Variants in ITPR2 observed in about 807,000 individuals in gnomAD.
The protein encoded by ITPR2 is inositol 1,4,5-trisphosphate receptor type 2.
ITPR2 carries 207 observed loss-of-function variants against 317.1 expected under a neutral mutation model. The ratio of observed to expected loss-of-function variants is 0.65; its 90% CI spans 0.58 to 0.73. The LOEUF (loss-of-function observed/expected upper bound fraction) is 0.73, where lower values mean the gene tolerates loss of function less well. Ranked by LOEUF, ITPR2 falls within the 30% of genes least tolerant of loss-of-function variation. ITPR2 has a pLI of 0.00. For synonymous variants in ITPR2, 1,156 were observed against 1,149.1 expected, an observed-to-expected ratio of 1.01 and a Z score of -0.12; for missense variants, 2,613 against 3,284.0, an observed-to-expected ratio of 0.80 and a Z score of 4.99.
chr12:26,662,790 A>G (rs763672798), intron 15 of ITPR2, among the ~76,000 whole-genome samples: 4 of 152,034 alleles, frequency 2.6e-5, no homozygotes, highest in Non-Finnish European at 4.4e-5. Context: ...CTCCAGCCTT[A>G]GCCTCCTTAG....
chr12:26,523,561 T>C (rs1329432429), intron 37 of ITPR2, among the ~76,000 whole-genome samples: 1 of 151,994 alleles, frequency 6.6e-6, no homozygotes, highest in Non-Finnish European at 1.5e-5. Flanking sequence ...TAACTGTCTG[T>C]AAGAAAACAT....
intron 8 of ITPR2, among the ~76,000 whole-genome samples, chr12:26,713,388 T>C (rs1219097073): frequency 1.3e-5 from 2 of 152,088 alleles, no homozygotes. Flanking sequence ...CAAATAGAAA[T>C]AAGCCTACCA....
chr12:26,635,777 T>C (rs1362252249), intron 21 of ITPR2, among the ~76,000 whole-genome samples: 1 of 152,244 alleles, frequency 6.6e-6, no homozygotes, highest in Non-Finnish European at 1.5e-5. Context: ...AAAATATCTT[T>C]ACTTTCTAGA....
At chr12:26,577,765 G>A (rs1247073505) in intron 34 of ITPR2, among the ~76,000 whole-genome samples, 2 of 151,952 alleles carry the variant, frequency 1.3e-5, no homozygotes, top group Admixed American at 1.3e-4. Context: ...TTGCAAACAG[G>A]GAGAAATGAC....
At position 26,338,840 on chromosome 12, in the gene ITPR2, T is replaced by C. The variant is rs1565477726; in HGVS notation, c.*557A>G. Reference sequence around the variant, plus strand: ...AGAGCTGTAAATCCATTGTGCTTCATGTTATAAATAAAGAAATTGCCCTGT... The same window carrying C: ...AGAGCTGTAAATCCATTGTGCTTCACGTTATAAATAAAGAAATTGCCCTGT... On this transcript the variant is annotated 3_prime_UTR_variant, in exon 57 of 57. Transcript: ENST00000381340. 1 of 152,464 alleles carries C rather than the reference T, an allele frequency of 6.6e-6. No homozygotes were observed. The highest frequency in any genetic ancestry group is 1.5e-5 in the Non-Finnish European group (1 of 68,244). 9.4% of individuals were successfully genotyped at this position (152,464 alleles called of 1,614,324 possible).
At chr12:26,784,010 T>A (rs1361387824) in intron 2 of ITPR2, among the ~76,000 whole-genome samples, 1 of 99,654 alleles carries the variant, frequency 1.0e-5, no homozygotes, top group African/African-American at 2.8e-5. Context: ...GCTGGTGAAA[T>A]ATGACTGAAG....
chr12:26,800,466 C>A (rs929936345), intron 1 of ITPR2, among the ~76,000 whole-genome samples: 1 of 152,076 alleles, frequency 6.6e-6, no homozygotes, highest in African/African-American at 2.4e-5. Context: ...AAGAACACAT[C>A]AAAAATGGTC....
At chr12:26,617,169 A>C (rs1273762023) in intron 26 of ITPR2, among the ~76,000 whole-genome samples, 1 of 152,200 alleles carries the variant, frequency 6.6e-6, no homozygotes, top group Non-Finnish European at 1.5e-5. Context: ...TAAACTGTAC[A>C]TAAAACTCTG....
At chr12:26,440,280 G>GT (rs1941454601) in intron 46 of ITPR2, among the ~76,000 whole-genome samples, 1 of 152,168 alleles carries the variant, frequency 6.6e-6, no homozygotes, top group African/African-American at 2.4e-5. Flanking sequence ...TGTTGTTGTT[G>GT]TTTTGGTTTG....
intron 45 of ITPR2, among the ~76,000 whole-genome samples, chr12:26,462,863 G>A (rs186376253): frequency 6.8e-6 from 1 of 146,640 alleles, no homozygotes; most frequent in East Asian, 2.1e-4. Context: ...GTAGAGATGG[G>A]GTTTCACCAT....
chr12:26,707,520 C>A (rs898873952), intron 9 of ITPR2, among the ~76,000 whole-genome samples: 8 of 152,094 alleles, frequency 5.3e-5, no homozygotes, highest in Non-Finnish European at 1.0e-4. Flanking sequence ...AAATAAAAAA[C>A]CTGGGCTATT....
Position 26,399,033 on chromosome 12 carries a change from C to G in ITPR2, c.7539G>C (p.Leu2513Phe). Residue 2513 changes from leucine (L) to phenylalanine (F), a missense_variant, in exon 54 of 57, where the codon TTG becomes TTC. This residue lies in a region of ITPR2 where 113 missense variants were observed against 129.2 expected (regional missense o/e 0.87). Coordinates refer to ENST00000381340, the MANE Select transcript of ITPR2 (RefSeq NM_002223.4). ...GGTCATAAACCACTCGGGCAGCAAA[C>G]AAGGGCTCCTGAAATAAAAATATTT... is the stretch of plus-strand genomic sequence containing the variant. ...VLRRPSKDEP[L>F]FAARVVYDLL... 1 of 1,578,630 alleles carries G rather than the reference C, an allele frequency of 6.3e-7. No individual in the cohort carries two copies. Among genetic ancestry groups the G allele is most frequent in the Non-Finnish European group, 8.5e-7 (1 of 1,169,796 alleles).
intron 39 of ITPR2, among the ~76,000 whole-genome samples, chr12:26,493,181 T>C (rs1942850930): frequency 6.6e-6 from 1 of 152,152 alleles, no homozygotes; most frequent in Non-Finnish European, 1.5e-5. Flanking sequence ...ACTATTGATT[T>C]AGCGTTGTTT....
intron 52 of ITPR2, among the ~76,000 whole-genome samples, chr12:26,409,798 G>A (rs553402697): frequency 1.3e-5 from 2 of 152,206 alleles, no homozygotes; most frequent in Admixed American, 1.3e-4. Flanking sequence ...CATTAGAACT[G>A]GAAGGGACCT....
chr12:26,596,767 CT>C, intron 31 of ITPR2, 115 bp downstream of exon 31: 1 of 783,220 alleles, frequency 1.3e-6, no homozygotes, highest in Non-Finnish European at 1.9e-6. Context: ...ATACAATTCC[CT>C]GACTAAATAT....
At chr12:26,708,883 C>T (rs913649423) in intron 9 of ITPR2, among the ~76,000 whole-genome samples, 3 of 152,052 alleles carry the variant, frequency 2.0e-5, no homozygotes, top group African/African-American at 7.2e-5. Context: ...TAAGTGTATA[C>T]GTATACTATG....
intron 2 of ITPR2, among the ~76,000 whole-genome samples, chr12:26,734,873 A>G (rs1192005600): frequency 6.6e-6 from 1 of 152,208 alleles, no homozygotes; most frequent in Non-Finnish European, 1.5e-5. Flanking sequence ...TTATACTCCA[A>G]TAAGACTAGC....
At chr12:26,523,510 C>G (rs1943720939) in intron 37 of ITPR2, among the ~76,000 whole-genome samples, 1 of 148,864 alleles carries the variant, frequency 6.7e-6, no homozygotes, top group Non-Finnish European at 1.5e-5. Flanking sequence ...TTCTCAAAAA[C>G]AATGGCAAAA....
chr12:26,392,677 G>C (rs1310975294), intron 54 of ITPR2, among the ~76,000 whole-genome samples: 1 of 152,224 alleles, frequency 6.6e-6, no homozygotes, highest in Non-Finnish European at 1.5e-5. Context: ...GAACGGGCTT[G>C]ATGTCCAATT....
Sources: gnomAD v4.1 joint callset for allele counts (sites outside exome capture counted in the v4.1 genomes callset) on GRCh38, gnomAD v4.1.1 for gene constraint, gnomAD v4.1.1 regional missense constraint, MANE v1.5 for transcripts, NCBI Gene and HGNC (gene_info 2026-07-23, HGNC 2026-07-21) for gene names.